Variants in GSR observed in about 807,000 individuals in gnomAD.
GSR encodes the protein glutathione reductase, mitochondrial.
In GSR, 48 loss-of-function variants were observed where a neutral mutation model predicts 56.5. The observed-to-expected ratio is 0.85, with a 90% CI of 0.67 to 1.08. The LOEUF (loss-of-function observed/expected upper bound fraction) is 1.08. Ranked by LOEUF, GSR falls within the 50% of genes least tolerant of loss-of-function variation. The probability of loss-of-function intolerance (pLI) is 0.00; values close to 1 mark genes in which losing one functional copy is unlikely to be tolerated. For missense variants in GSR, 694 were observed against 703.3 expected (o/e 0.99, Z 0.15); for synonymous variants, 264 against 270.8 (o/e 0.97, Z 0.25).
At chr8:30,702,151 G>C (rs1803765443) in intron 5 of GSR, among the ~76,000 whole-genome samples, 1 of 151,904 alleles carries the variant, frequency 6.6e-6, no homozygotes, top group Non-Finnish European at 1.5e-5. Context: ...GTGAAACTCT[G>C]TCTCTACTAA....
intron 3 of GSR, 24 bp from the exon 4 acceptor site, chr8:30,708,165 T>C (rs773244142): frequency 1.9e-6 from 3 of 1,560,684 alleles, no homozygotes; most frequent in Non-Finnish European, 2.7e-6. Flanking sequence ...CAAGTCAGTA[T>C]TCAGAAACAG....
At chr8:30,709,686 A>C in intron 3 of GSR, 128 bp downstream of exon 3, 1 of 708,018 alleles carries the variant, frequency 1.4e-6, no homozygotes, top group Non-Finnish European at 2.6e-6. Flanking sequence ...AAAAATGGCT[A>C]AACTGTAAAT....
At chr8:30,708,379 A>G (rs898224816) in intron 3 of GSR, among the ~76,000 whole-genome samples, 3 of 152,236 alleles carry the variant, frequency 2.0e-5, no homozygotes. Flanking sequence ...CTTTCTGCGC[A>G]GAAGACAAGG....
At chr8:30,697,887 T>A (rs929862942) in intron 6 of GSR, among the ~76,000 whole-genome samples, 1 of 152,086 alleles carries the variant, frequency 6.6e-6, no homozygotes, top group African/African-American at 2.4e-5. Context: ...GATCGGGTTG[T>A]GCTGTGTTGC....
At chr8:30,717,093 T>C (rs974350683) in intron 1 of GSR, among the ~76,000 whole-genome samples, 5 of 151,646 alleles carry the variant, frequency 3.3e-5, no homozygotes, top group Admixed American at 6.6e-5. Flanking sequence ...CAAAATTAGC[T>C]GGGCGTGGTA....
In GSR at chr8:30,708,188, C is replaced by T. The variant is rs372875226; in HGVS notation, c.423-47G>A. On this transcript the variant is annotated intron_variant, in intron 3 of 12. Coordinates refer to ENST00000221130, the MANE Select transcript of GSR (RefSeq NM_000637.5). ...TATTCAGAAACAGGATCTTCCCCTT[C>T]TAGTTAGTAACTAAGGCATCTGTCC... is the stretch of plus-strand genomic sequence containing the variant. The T allele has an allele frequency of 3.5e-5, 48 of 1,358,286 alleles. No homozygotes were observed. In the African/African-American group the frequency reaches 6.3e-4, roughly 18 times the overall value. The allele number at this position is 1,358,286 out of a possible 1,614,324, so 84.1% of individuals were successfully genotyped here. A position where few individuals can be genotyped will look rare whatever the true frequency, so the allele number is the denominator to read the frequency against.
intron 9 of GSR, among the ~76,000 whole-genome samples, chr8:30,688,271 G>A (rs2551723): frequency 6.6e-6 from 1 of 152,150 alleles, no homozygotes; most frequent in Non-Finnish European, 1.5e-5. Flanking sequence ...GAGGCCAATA[G>A]GAAACTAGGT....
chr8:30,682,454 A>T (rs2911678), intron 10 of GSR, among the ~76,000 whole-genome samples: 121,812 of 152,216 alleles, frequency 0.8, 48,896 homozygotes, highest in East Asian at 0.9. Context: ...AAAGTTACCT[A>T]CCAACTATGT....
At chr8:30,706,797 A>G (rs1210785372) in intron 4 of GSR, among the ~76,000 whole-genome samples, 1 of 152,152 alleles carries the variant, frequency 6.6e-6, no homozygotes, top group African/African-American at 2.4e-5. Flanking sequence ...AACCTTCTGA[A>G]TCCTAATTTG....
At chr8:30,689,400 C>G in intron 8 of GSR, 81 bp from the exon 9 acceptor site, 2 of 1,173,800 alleles carry the variant, frequency 1.7e-6, no homozygotes, top group Non-Finnish European at 2.6e-6. Context: ...ACAGAGGAAA[C>G]TAGAATTTTT....
At chr8:30,708,479 A>G (rs1803991179) in intron 3 of GSR, among the ~76,000 whole-genome samples, 1 of 152,204 alleles carries the variant, frequency 6.6e-6, no homozygotes, top group Non-Finnish European at 1.5e-5. Flanking sequence ...AAATTTGCTA[A>G]ATTTCTTCAA....
chr8:30,680,799 T>A (rs1473188401), intron 12 of GSR, 105 bp downstream of exon 12: 1 of 999,184 alleles, frequency 1.0e-6, no homozygotes, highest in South Asian at 1.3e-5. Flanking sequence ...TCCAGTTGAA[T>A]CAGAAGGCTC....
intron 9 of GSR, among the ~76,000 whole-genome samples, chr8:30,686,777 G>C (rs1452379710): frequency 6.6e-6 from 1 of 151,666 alleles, no homozygotes; most frequent in Non-Finnish European, 1.5e-5. Flanking sequence ...AATATCTCTT[G>C]AAAGGTGAAA....
chr8:30,711,416 G>A (rs952311602), intron 2 of GSR, among the ~76,000 whole-genome samples: 2 of 152,194 alleles, frequency 1.3e-5, no homozygotes, highest in Admixed American at 6.5e-5. Context: ...TATTAACAAC[G>A]AAAAAATCAC....
chr8:30,682,801 CT>C (rs1308136355), intron 10 of GSR, among the ~76,000 whole-genome samples: 1 of 151,184 alleles, frequency 6.6e-6, no homozygotes, highest in Admixed American at 6.6e-5. Flanking sequence ...CGCCTAGAAT[CT>C]TTATTATTAT....
At chr8:30,722,013 C>CAAA (rs77867964) in intron 1 of GSR, among the ~76,000 whole-genome samples, 3 of 122,566 alleles carry the variant, frequency 2.4e-5, no homozygotes, top group Non-Finnish European at 3.5e-5. Flanking sequence ...GACTCTGTCT[C>CAAA]AAAAAAAAAA....
Position 30,679,472 on chromosome 8 carries a change from T to G in GSR, c.*48A>C, listed in dbSNP as rs1307219338. ...AGTCAATGTGATTATTTGTTTCATT[T>G]CAGAAGATCTATGGGTCCCACTGCC... On this transcript the variant is annotated 3_prime_UTR_variant, in exon 13 of 13. Coordinates refer to ENST00000221130, the MANE Select transcript of GSR (RefSeq NM_000637.5). 4 of 1,565,732 alleles carry G rather than the reference T, an allele frequency of 2.6e-6. No individual in the cohort carries two copies. The African/African-American group carries it at 5.4e-5, about 21-fold the overall frequency.
intron 7 of GSR, among the ~76,000 whole-genome samples, chr8:30,693,525 GTTCTT>G (rs1803454620): frequency 6.6e-6 from 1 of 151,250 alleles, no homozygotes; most frequent in African/African-American, 2.4e-5. Context: ...TCACAGAGTA[GTTCTT>G]TTATTTTTAT....
At chr8:30,686,094 C>T (rs1803152625) in intron 9 of GSR, among the ~76,000 whole-genome samples, 1 of 151,130 alleles carries the variant, frequency 6.6e-6, no homozygotes, top group Non-Finnish European at 1.5e-5. Flanking sequence ...TGTATAACCA[C>T]CTGTTTATCA....
Sources: allele counts gnomAD v4.1 joint callset (sites outside exome capture counted in the v4.1 genomes callset), GRCh38; gene constraint gnomAD v4.1.1; transcripts MANE v1.5; gene names NCBI Gene and HGNC (gene_info 2026-07-23, HGNC 2026-07-21).